Variants in SEZ6L observed in about 807,000 individuals in gnomAD.
The protein encoded by SEZ6L is seizure related 6 homolog like, also known as seizure 6-like protein.
SEZ6L carries 37 observed loss-of-function variants against 106.2 expected under a neutral mutation model. The observed-to-expected ratio is 0.35, with a 90% CI of 0.27 to 0.46. The LOEUF (loss-of-function observed/expected upper bound fraction) is 0.46. Ranked by LOEUF, SEZ6L falls within the 20% of genes least tolerant of loss-of-function variation. SEZ6L has a pLI of 1.00. For synonymous variants in SEZ6L, 541 were observed against 570.4 expected, an observed-to-expected ratio of 0.95 and a Z score of 0.73; for missense variants, 1,172 against 1,332.8, an observed-to-expected ratio of 0.88 and a Z score of 1.88.
At chr22:26,207,938 C>T (rs12163178) in intron 1 of SEZ6L, among the ~76,000 whole-genome samples, 1,531 of 146,590 alleles carry the variant, frequency 0.01, 25 homozygotes, top group South Asian at 0.047. Context: ...GAGACGGAGT[C>T]TCGCTCTGTC....
intron 1 of SEZ6L, among the ~76,000 whole-genome samples, chr22:26,226,886 C>T (rs1444301832): frequency 2.0e-5 from 3 of 152,178 alleles, no homozygotes; most frequent in Non-Finnish European, 4.4e-5. Flanking sequence ...ACAAAGACCC[C>T]TTCTACCATG....
intron 1 of SEZ6L, among the ~76,000 whole-genome samples, chr22:26,192,798 A>G (rs1699350546): frequency 6.6e-6 from 1 of 152,216 alleles, no homozygotes; most frequent in South Asian, 2.1e-4. Flanking sequence ...ATGAAGACAG[A>G]CAGATTATGC....
chr22:26,373,407 G>T, intron 13 of SEZ6L, 44 bp from the exon 14 acceptor site: 1 of 1,569,594 alleles, frequency 6.4e-7, no homozygotes, highest in Non-Finnish European at 8.6e-7. Context: ...CAAACGAAGT[G>T]AATTCACTTT....
rs1349318176 is a variant in SEZ6L at position 26,293,114 on chromosome 22, C to T, written c.803C>T (p.Thr268Ile). 1 of 1,585,498 alleles carries T rather than the reference C, an allele frequency of 6.3e-7. No individual in the cohort carries two copies. Among genetic ancestry groups the T allele is most frequent in the South Asian group, 1.1e-5 (1 of 88,370 alleles). ...GAGACCACTACCTCCACCATTATCA[C>T]CACCACGGTCATCACCACCGAGCAG... ...SQETTTSTII[T>I]TTVITTEQAP... The change falls in exon 2 of 17, where the codon ACC becomes ATC. Residue 268 changes from threonine to isoleucine, a missense_variant. Physicochemically the swap from Thr to Ile is moderately conservative, Grantham distance 89. This residue lies in a region of SEZ6L where 494 missense variants were observed against 445.8 expected (regional missense o/e 1.11). Transcript: ENST00000248933.
At chr22:26,365,624 G>A in intron 13 of SEZ6L, 58 bp downstream of exon 13, 1 of 1,488,334 alleles carries the variant, frequency 6.7e-7, no homozygotes, top group East Asian at 2.3e-5. Context: ...CAGGCTCCTG[G>A]CTCACAGGAG....
At chr22:26,196,144 G>T (rs919931872) in intron 1 of SEZ6L, among the ~76,000 whole-genome samples, 1 of 152,154 alleles carries the variant, frequency 6.6e-6, no homozygotes, top group African/African-American at 2.4e-5. Flanking sequence ...CTGTTCTCAT[G>T]ATAGTGAGTG....
chr22:26,334,033 T>C (rs16981773), intron 9 of SEZ6L, among the ~76,000 whole-genome samples: 10,972 of 151,996 alleles, frequency 0.072, 698 homozygotes, highest in Admixed American at 0.22. Context: ...CAGGCGGCAA[T>C]GCAAAAGATA....
chr22:26,346,451 A>G (rs1398353262), intron 10 of SEZ6L, among the ~76,000 whole-genome samples: 1 of 152,260 alleles, frequency 6.6e-6, no homozygotes, highest in Non-Finnish European at 1.5e-5. Flanking sequence ...GAAGCTGAGC[A>G]TATTAGTCAC....
chr22:26,219,289 G>A (rs1486081188), intron 1 of SEZ6L, among the ~76,000 whole-genome samples: 1 of 134,966 alleles, frequency 7.4e-6, no homozygotes. Flanking sequence ...GCAAATATCA[G>A]TAGGAAAGCA....
At chr22:26,240,561 T>C (rs1003287922) in intron 1 of SEZ6L, among the ~76,000 whole-genome samples, 2 of 152,188 alleles carry the variant, frequency 1.3e-5, no homozygotes, top group African/African-American at 4.8e-5. Flanking sequence ...CTTGAGGCAA[T>C]TTAATAATAA....
At chr22:26,319,571 T>C (rs1478644713) in intron 9 of SEZ6L, among the ~76,000 whole-genome samples, 1 of 152,222 alleles carries the variant, frequency 6.6e-6, no homozygotes, top group Non-Finnish European at 1.5e-5. Flanking sequence ...TTTGCACTGC[T>C]GTCTCCCCTG....
intron 1 of SEZ6L, among the ~76,000 whole-genome samples, chr22:26,180,831 C>T (rs1601961307): frequency 6.6e-6 from 1 of 152,200 alleles, no homozygotes; most frequent in African/African-American, 2.4e-5. Flanking sequence ...CAGAATGTGG[C>T]TCCATGCATG....
chr22:26,351,312 G>C, intron 12 of SEZ6L, 69 bp downstream of exon 12: 1 of 1,477,906 alleles, frequency 6.8e-7, no homozygotes, highest in Non-Finnish European at 9.3e-7. Flanking sequence ...GTTCATGATG[G>C]AAGGCTGGGC....
At chr22:26,238,041 G>A (rs565154384) in intron 1 of SEZ6L, among the ~76,000 whole-genome samples, 5 of 152,294 alleles carry the variant, frequency 3.3e-5, no homozygotes, top group South Asian at 2.1e-4. Flanking sequence ...CAAGTTCCCC[G>A]GGGGAGATGG....
chr22:26,378,512 T>G (rs1255092976), intron 16 of SEZ6L, among the ~76,000 whole-genome samples: 1 of 152,194 alleles, frequency 6.6e-6, no homozygotes, highest in Non-Finnish European at 1.5e-5. Context: ...CATGAATATT[T>G]TGATTACAAC....
intron 1 of SEZ6L, among the ~76,000 whole-genome samples, chr22:26,260,847 A>G (rs1003039240): frequency 1.3e-5 from 2 of 152,240 alleles, no homozygotes; most frequent in African/African-American, 4.8e-5. Flanking sequence ...CATTCCCACC[A>G]GCAGTGTAGA....
At chr22:26,208,350 C>T (rs1298114439) in intron 1 of SEZ6L, among the ~76,000 whole-genome samples, 2 of 152,156 alleles carry the variant, frequency 1.3e-5, no homozygotes, top group Non-Finnish European at 2.9e-5. Context: ...TTTCCTTCAG[C>T]CTAAAGAATT....
At chr22:26,358,875 T>G (rs943804075) in intron 12 of SEZ6L, among the ~76,000 whole-genome samples, 1 of 152,146 alleles carries the variant, frequency 6.6e-6, no homozygotes, top group Non-Finnish European at 1.5e-5. Context: ...CTGCTCAATA[T>G]CCTCCAGTGC....
rs777729552 is a variant in SEZ6L, at chr22:26,298,971, C to A, written c.1163-13C>A. ...CAAGTGATGACTGAGTCTGCCTCTG[C>A]ATTTCTTCCCAGCCTTCATGCTGAG... On this transcript the variant is annotated splice_polypyrimidine_tract_variant and intron_variant, in intron 4 of 16. Coordinates refer to ENST00000248933, the MANE Select transcript of SEZ6L (RefSeq NM_021115.5). The A allele has an allele frequency of 3.2e-6, 5 of 1,545,480 alleles. No individual in the cohort carries two copies. Among genetic ancestry groups the A allele is most frequent in the Non-Finnish European group, 4.4e-6 (5 of 1,143,486 alleles).
Sources: gnomAD v4.1 joint callset for allele counts (sites outside exome capture counted in the v4.1 genomes callset) on GRCh38, gnomAD v4.1.1 for gene constraint, gnomAD v4.1.1 regional missense constraint, MANE v1.5 for transcripts, NCBI Gene and HGNC (gene_info 2026-07-23, HGNC 2026-07-21) for gene names.